RSPO2: variants seen among roughly 807,000 people sequenced by gnomAD.
The protein encoded by RSPO2 is R-spondin 2.
Under a neutral mutation model 30.9 loss-of-function variants are expected in RSPO2, and 14 were observed. That is an observed-to-expected ratio of 0.45 (90% CI 0.30 to 0.71). The LOEUF (loss-of-function observed/expected upper bound fraction) is 0.71. Ranked by LOEUF, RSPO2 falls within the 30% of genes least tolerant of loss-of-function variation. RSPO2 has a pLI of 0.08. For missense variants in RSPO2, 264 were observed against 301.9 expected (o/e 0.87, Z 0.93); for synonymous variants, 107 against 96.4 (o/e 1.11, Z -0.64).
At chr8:107,932,792 T>C (rs1812590498) in intron 5 of RSPO2, among the ~76,000 whole-genome samples, 1 of 152,078 alleles carries the variant, frequency 6.6e-6, no homozygotes, top group African/African-American at 2.4e-5. Flanking sequence ...GAATAACTAC[T>C]GTGCCAAATG....
At chr8:108,001,418 C>T (rs1049852441) in intron 2 of RSPO2, among the ~76,000 whole-genome samples, 1 of 152,018 alleles carries the variant, frequency 6.6e-6, no homozygotes, top group Non-Finnish European at 1.5e-5. Context: ...TCCCCTTTTT[C>T]CCCCTAGAAA....
In RSPO2 at chr8:108,063,530, G is replaced by A. The variant is rs528290830; in HGVS notation, c.94+19015C>T. ...CAAACCACTGCTCAATGAAATAAAA[G>A]AGGACACAAACAAATGGAAGAATAT... On this transcript the variant is annotated intron_variant, in intron 2 of 5. Coordinates refer to ENST00000276659, the MANE Select transcript of RSPO2 (RefSeq NM_178565.5). Among the ~76,000 whole-genome samples the A allele has an allele frequency of 1.4e-4, 22 of 151,946 alleles. No homozygotes were observed. In the East Asian group the frequency reaches 4.1e-3, roughly 28 times the overall value.
chr8:108,070,278 C>CTTT (rs1050611219), intron 2 of RSPO2, among the ~76,000 whole-genome samples: 1,929 of 81,170 alleles, frequency 0.024, 107 homozygotes, highest in African/African-American at 0.055. Flanking sequence ...GACCCCATCT[C>CTTT]TTTTTTTTTT....
chr8:107,989,277 A>G (rs753449076), intron 2 of RSPO2, 33 bp from the exon 3 acceptor site: 2 of 1,424,318 alleles, frequency 1.4e-6, no homozygotes, highest in East Asian at 2.5e-5. Context: ...GTGTTTAATT[A>G]TCAGTATAAT....
chr8:107,961,773 G>T (rs1414367244), intron 3 of RSPO2, among the ~76,000 whole-genome samples: 1 of 152,114 alleles, frequency 6.6e-6, no homozygotes, highest in East Asian at 1.9e-4. Flanking sequence ...CTCATAATAG[G>T]TAGTCTGCAG....
rs184054149 is a variant in RSPO2 at position 107,913,583 on chromosome 8, G to A, written c.617-12393C>T. Among the ~76,000 whole-genome samples, 4 of 152,270 alleles carry A rather than the reference G, an allele frequency of 2.6e-5. No homozygotes were observed. In the East Asian group the frequency reaches 7.7e-4, roughly 29 times the overall value. On this transcript the variant is annotated intron_variant, in intron 5 of 5. Coordinates refer to ENST00000276659, the MANE Select transcript of RSPO2 (RefSeq NM_178565.5). ...AATATTTGAGAAGGAACTCTAACAT[G>A]TTTGGCATACCTCACGATTATTAGA... is the stretch of plus-strand genomic sequence containing the variant.
intron 3 of RSPO2, among the ~76,000 whole-genome samples, chr8:107,985,461 T>A (rs1033333226): frequency 9.2e-5 from 14 of 152,152 alleles, no homozygotes; most frequent in Non-Finnish European, 1.8e-4. Context: ...GCAACCGTAT[T>A]TAATGGCATG....
chr8:108,012,783 T>C (rs187715287), intron 2 of RSPO2, among the ~76,000 whole-genome samples: 1 of 152,266 alleles, frequency 6.6e-6, no homozygotes, highest in East Asian at 1.9e-4. Flanking sequence ...TCCAAGAAAG[T>C]TAAAGCTTTA....
At chr8:107,935,213 C>T (rs1812680794) in intron 5 of RSPO2, among the ~76,000 whole-genome samples, 1 of 152,138 alleles carries the variant, frequency 6.6e-6, no homozygotes, top group Admixed American at 6.6e-5. Context: ...AGATCTTGCA[C>T]TCTGGGAGTG....
At chr8:108,080,891 T>C (rs1038031114) in intron 2 of RSPO2, among the ~76,000 whole-genome samples, 1 of 152,166 alleles carries the variant, frequency 6.6e-6, no homozygotes, top group African/African-American at 2.4e-5. Context: ...CTTTTGACCA[T>C]AATGTAATCA....
intron 5 of RSPO2, among the ~76,000 whole-genome samples, chr8:107,905,015 C>T (rs1056944944): frequency 6.6e-6 from 1 of 151,566 alleles, no homozygotes; most frequent in Non-Finnish European, 1.5e-5. Context: ...TGAATTGCTG[C>T]TATTAGAATC....
At chr8:107,939,699 A>T (rs1052200325) in intron 5 of RSPO2, among the ~76,000 whole-genome samples, 3 of 152,100 alleles carry the variant, frequency 2.0e-5, no homozygotes, top group Admixed American at 6.6e-5. Context: ...AGAAGATGGC[A>T]AGTTAAATGC....
At chr8:108,003,195 G>A (rs1435933427) in intron 2 of RSPO2, among the ~76,000 whole-genome samples, 1 of 144,814 alleles carries the variant, frequency 6.9e-6, no homozygotes, top group Non-Finnish European at 1.5e-5. Flanking sequence ...GGGATTACAG[G>A]CATGCACCAT....
intron 2 of RSPO2, among the ~76,000 whole-genome samples, chr8:108,050,712 A>G (rs1288192505): frequency 6.6e-6 from 1 of 152,224 alleles, no homozygotes; most frequent in Non-Finnish European, 1.5e-5. Flanking sequence ...GCCACTATCT[A>G]GCAAATGTTG....
chr8:108,060,831 A>G (rs1812432267), intron 2 of RSPO2, among the ~76,000 whole-genome samples: 1 of 151,874 alleles, frequency 6.6e-6, no homozygotes, highest in Non-Finnish European at 1.5e-5. Flanking sequence ...CTAACAGCAG[A>G]TCTCTCAAAA....
intron 2 of RSPO2, among the ~76,000 whole-genome samples, chr8:107,993,479 T>C (rs1212834681): frequency 6.6e-6 from 1 of 152,140 alleles, no homozygotes; most frequent in Non-Finnish European, 1.5e-5. Flanking sequence ...AAAAAGAGCA[T>C]GCTCTAGATA....
At chr8:108,037,559 A>G (rs1290140039) in intron 2 of RSPO2, among the ~76,000 whole-genome samples, 1 of 152,242 alleles carries the variant, frequency 6.6e-6, no homozygotes, top group African/African-American at 2.4e-5. Context: ...AGGTGGCTAC[A>G]CTAAAAAACA....
chr8:107,974,420 A>G (rs558781885), intron 3 of RSPO2, among the ~76,000 whole-genome samples: 1 of 152,108 alleles, frequency 6.6e-6, no homozygotes, highest in Non-Finnish European at 1.5e-5. Context: ...GCTGAGAGAT[A>G]GGAGGATGGG....
intron 5 of RSPO2, among the ~76,000 whole-genome samples, chr8:107,914,819 A>G (rs1811930274): frequency 1.3e-5 from 2 of 152,294 alleles, no homozygotes; most frequent in Non-Finnish European, 2.9e-5. Context: ...ATGTAAGTGT[A>G]TTTTAGGTGC....
Sources: allele counts gnomAD v4.1 joint callset (sites outside exome capture counted in the v4.1 genomes callset), GRCh38; gene constraint gnomAD v4.1.1; transcripts MANE v1.5; gene names NCBI Gene and HGNC (gene_info 2026-07-23, HGNC 2026-07-21).